ITPR2: variants seen among roughly 807,000 people sequenced by gnomAD.
The protein encoded by ITPR2 is inositol 1,4,5-trisphosphate receptor type 2, also known as inositol 1,4,5-trisphosphate-gated calcium channel ITPR2.
In ITPR2, 207 loss-of-function variants were observed where a neutral mutation model predicts 317.1. The ratio of observed to expected loss-of-function variants is 0.65; its 90% CI spans 0.58 to 0.73. The LOEUF (loss-of-function observed/expected upper bound fraction) is 0.73, where lower values mean the gene tolerates loss of function less well. Ranked by LOEUF, ITPR2 falls within the 30% of genes least tolerant of loss-of-function variation. The pLI, the probability that ITPR2 is intolerant of heterozygous loss-of-function variation, is 0.00. For missense variants in ITPR2, 2,613 were observed against 3,284.0 expected, an observed-to-expected ratio of 0.80 and a Z score of 4.99; for synonymous variants, 1,156 against 1,149.1, an observed-to-expected ratio of 1.01 and a Z score of -0.12.
chr12:26,381,795 A>T (rs531327480), intron 55 of ITPR2, among the ~76,000 whole-genome samples: 16 of 152,344 alleles, frequency 1.1e-4, no homozygotes, highest in African/African-American at 3.8e-4. Context: ...TCTCACTAGC[A>T]GCCCAGTGCT....
rs374165911 is a variant in ITPR2 at position 26,815,875 on chromosome 12, C to G, written c.92+16815G>C. ...TTGGGAGGCTGAGGCAGGTGGATCA[C>G]GAGGTCAGGAGATCGAGACCATCCT... On this transcript the variant is annotated intron_variant, in intron 1 of 56. Transcript: ENST00000381340. Among the ~76,000 whole-genome samples the G allele has an allele frequency of 7.4e-3, 1,121 of 151,966 alleles. 18 individuals are homozygous for G. Among genetic ancestry groups the G allele is most frequent in the African/African-American group, 0.026 (1,079 of 41,472 alleles).
chr12:26,580,512 G>A (rs1309056758), intron 32 of ITPR2, among the ~76,000 whole-genome samples: 1 of 152,102 alleles, frequency 6.6e-6, no homozygotes, highest in Non-Finnish European at 1.5e-5. Flanking sequence ...GACCAAAGAC[G>A]AAACAGTCAT....
At chr12:26,721,158 CA>C (rs1043715692) in intron 5 of ITPR2, 1 of 414,506 alleles carries the variant, frequency 2.4e-6, no homozygotes, top group Non-Finnish European at 4.3e-6. Flanking sequence ...AAATGTGTAT[CA>C]TGCTCACAGC....
At chr12:26,657,386 T>C (rs1947396288) in intron 18 of ITPR2, among the ~76,000 whole-genome samples, 1 of 152,196 alleles carries the variant, frequency 6.6e-6, no homozygotes, top group African/African-American at 2.4e-5. Flanking sequence ...CATGTCTATA[T>C]CCCTCTCAAC....
intron 48 of ITPR2, among the ~76,000 whole-genome samples, chr12:26,435,693 C>A (rs1005168459): frequency 6.6e-6 from 1 of 151,860 alleles, no homozygotes; most frequent in Non-Finnish European, 1.5e-5. Flanking sequence ...TCCTTTATTT[C>A]CTATTATTAT....
chr12:26,758,487 C>G (rs1223351430), intron 2 of ITPR2, among the ~76,000 whole-genome samples: 2 of 152,186 alleles, frequency 1.3e-5, no homozygotes. Flanking sequence ...AGCCTTTCTC[C>G]ATTCCATGGT....
chr12:26,438,643 T>A (rs530912975), intron 47 of ITPR2, among the ~76,000 whole-genome samples: 1 of 152,342 alleles, frequency 6.6e-6, no homozygotes, highest in Middle Eastern at 3.4e-3. Flanking sequence ...ACAAGTGTTA[T>A]CATATGTATA....
chr12:26,699,933 A>T (rs930634166), intron 9 of ITPR2, among the ~76,000 whole-genome samples: 4 of 152,214 alleles, frequency 2.6e-5, no homozygotes, highest in Admixed American at 2.6e-4. Flanking sequence ...ATAAATTATA[A>T]ATCTGGCATT....
intron 1 of ITPR2, among the ~76,000 whole-genome samples, chr12:26,816,556 A>G (rs1950856920): frequency 6.6e-6 from 1 of 152,240 alleles, no homozygotes; most frequent in African/African-American, 2.4e-5. Context: ...GACATCGTGA[A>G]AGACCTGAGG....
At chr12:26,650,072 T>C (rs1031810119) in intron 21 of ITPR2, among the ~76,000 whole-genome samples, 3 of 142,878 alleles carry the variant, frequency 2.1e-5, no homozygotes, top group Non-Finnish European at 4.5e-5. Context: ...TATTATCAGA[T>C]TGCTGAAAGA....
chr12:26,422,233 T>C (rs897368166), intron 49 of ITPR2, among the ~76,000 whole-genome samples: 19 of 150,494 alleles, frequency 1.3e-4, no homozygotes, highest in South Asian at 4.1e-4. Context: ...CTATGAAGTA[T>C]ATATGAAAAT....
intron 2 of ITPR2, among the ~76,000 whole-genome samples, chr12:26,772,271 G>C (rs1036171946): frequency 6.6e-6 from 1 of 151,046 alleles, no homozygotes; most frequent in Non-Finnish European, 1.5e-5. Context: ...CAGGCCAAAT[G>C]CCATCTCAAT....
intron 21 of ITPR2, among the ~76,000 whole-genome samples, chr12:26,649,631 A>G (rs1947195829): frequency 6.6e-6 from 1 of 152,214 alleles, no homozygotes; most frequent in Non-Finnish European, 1.5e-5. Flanking sequence ...ATCAGATCAT[A>G]TCAATCCCTT....
intron 2 of ITPR2, among the ~76,000 whole-genome samples, chr12:26,784,324 T>TG (rs1950159978): frequency 3.9e-4 from 9 of 23,060 alleles, no homozygotes; most frequent in Admixed American, 1.8e-3. Flanking sequence ...CCTCTGCCTC[T>TG]CCCTCTCCCT....
chr12:26,509,092 G>A (rs1297497581), intron 37 of ITPR2, among the ~76,000 whole-genome samples: 3 of 152,214 alleles, frequency 2.0e-5, no homozygotes, highest in Non-Finnish European at 4.4e-5. Flanking sequence ...GCTAGAACAT[G>A]TATGAGCCTT....
At chr12:26,569,051 T>G (rs965439188) in intron 34 of ITPR2, among the ~76,000 whole-genome samples, 1 of 152,116 alleles carries the variant, frequency 6.6e-6, no homozygotes, top group African/African-American at 2.4e-5. Context: ...CACAACTAAA[T>G]GTATCCCAGA....
intron 10 of ITPR2, among the ~76,000 whole-genome samples, chr12:26,690,999 A>G (rs1438763960): frequency 6.6e-6 from 1 of 152,252 alleles, no homozygotes; most frequent in Non-Finnish European, 1.5e-5. Context: ...TGTGTGAATA[A>G]GAGCTTCAAA....
intron 34 of ITPR2, among the ~76,000 whole-genome samples, chr12:26,567,710 A>T (rs1945013646): frequency 1.3e-5 from 2 of 151,778 alleles, no homozygotes; most frequent in South Asian, 4.2e-4. Context: ...GCACTGTCCA[A>T]ATAGTATAAA....
intron 34 of ITPR2, among the ~76,000 whole-genome samples, chr12:26,565,795 A>G (rs949908197): frequency 5.4e-5 from 8 of 148,180 alleles, no homozygotes; most frequent in African/African-American, 2.0e-4. Flanking sequence ...AACACAGCAA[A>G]ACCCTGTCTC....
Sources: gnomAD v4.1 joint callset for allele counts (sites outside exome capture counted in the v4.1 genomes callset) on GRCh38, gnomAD v4.1.1 for gene constraint, MANE v1.5 for transcripts, NCBI Gene and HGNC (gene_info 2026-07-23, HGNC 2026-07-21) for gene names.